ARMC2: variants seen among roughly 807,000 people sequenced by gnomAD.
ARMC2 encodes the protein armadillo repeat containing 2, also known as armadillo repeat-containing protein 2.
A neutral mutation model predicts 90.3 loss-of-function variants in ARMC2; 67 were observed. That is an observed-to-expected ratio of 0.74 (90% CI 0.61 to 0.91). The LOEUF (loss-of-function observed/expected upper bound fraction) is 0.91. Ranked by LOEUF, ARMC2 falls within the 40% of genes least tolerant of loss-of-function variation. The pLI is 0.00. For synonymous variants in ARMC2, 393 were observed against 393.0 expected, an observed-to-expected ratio of 1.00 and a Z score of 0.00; for missense variants, 920 against 1,030.9, an observed-to-expected ratio of 0.89 and a Z score of 1.47.
chr6:108,905,891 T>C (rs1401998892), intron 8 of ARMC2, among the ~76,000 whole-genome samples: 4 of 152,200 alleles, frequency 2.6e-5, no homozygotes, highest in Non-Finnish European at 5.9e-5. Flanking sequence ...TTCAAATCCA[T>C]CAAGGCCAAC....
the ARMC2 span, among the ~76,000 whole-genome samples, chr6:108,989,485 A>C: frequency 2.1e-5 from 3 of 145,774 alleles, no homozygotes; most frequent in East Asian, 3.9e-4. Flanking sequence ...CTGTATATAT[A>C]TCTCTAGATC....
chr6:108,988,677 AATC>A, the ARMC2 span: 5 of 1,606,070 alleles, frequency 3.1e-6, no homozygotes, highest in South Asian at 1.1e-5. Context: ...CCATAGTCAT[AATC>A]ATCATATCTG....
In ARMC2 at chr6:108,877,265, G is replaced by A. The variant is rs748716680; in HGVS notation, c.671+915G>A. Among the ~76,000 whole-genome samples, 6 of 152,140 alleles carry A rather than the reference G, an allele frequency of 3.9e-5. 1 individual carries two copies. Among genetic ancestry groups the A allele is most frequent in the Non-Finnish European group, 7.3e-5 (5 of 68,028 alleles). ...ATTTCTTACACTCACGTTAGATTTCGGGTCTGACTTTGGCTTGGACACATG... is the reference window on the plus strand; with the variant it reads ...ATTTCTTACACTCACGTTAGATTTCAGGTCTGACTTTGGCTTGGACACATG... On this transcript the variant is annotated intron_variant, in intron 5 of 17. Coordinates refer to ENST00000392644, the MANE Select transcript of ARMC2 (RefSeq NM_032131.6).
chr6:108,951,737 A>G (rs1439419149), intron 12 of ARMC2, among the ~76,000 whole-genome samples: 1 of 152,240 alleles, frequency 6.6e-6, no homozygotes, highest in African/African-American at 2.4e-5. Context: ...GCACCTGGAC[A>G]TGCGCTCCTC....
chr6:108,997,346 A>G, the ARMC2 span, among the ~76,000 whole-genome samples: 2 of 152,306 alleles, frequency 1.3e-5, no homozygotes, highest in Admixed American at 1.3e-4. Flanking sequence ...TAGCAACTGA[A>G]TACTCTCTTG....
chr6:108,891,033 AG>A (rs1770973525), intron 5 of ARMC2, among the ~76,000 whole-genome samples: 4 of 151,190 alleles, frequency 2.6e-5, no homozygotes, highest in African/African-American at 4.9e-5. Flanking sequence ...GTGTTTGCTG[AG>A]AATGATGGTT....
At chr6:108,928,640 T>C (rs1775290694) in intron 11 of ARMC2, among the ~76,000 whole-genome samples, 1 of 152,204 alleles carries the variant, frequency 6.6e-6, no homozygotes, top group South Asian at 2.1e-4. Flanking sequence ...GACTTTGTAA[T>C]AGAAGGTTAT....
chr6:108,971,476 A>T (rs1778760691), intron 17 of ARMC2, among the ~76,000 whole-genome samples: 1 of 152,206 alleles, frequency 6.6e-6, no homozygotes, highest in African/African-American at 2.4e-5. Flanking sequence ...ACAAACTGGG[A>T]TTCCAGACTC....
chr6:108,889,021 C>T lies in ARMC2; in HGVS notation c.672-5446C>T, dbSNP rs927727138. Among the ~76,000 whole-genome samples, 68 of 152,314 alleles carry T rather than the reference C, an allele frequency of 4.5e-4. No individual in the cohort carries two copies. In the Middle Eastern group the frequency reaches 0.01, roughly 23 times the overall value. Reference sequence around the variant, plus strand: ...ACCCATGGAAACCTTCTATGACTGTCTTACTTGCCCTGGGCACTTATCCCC... The same window carrying T: ...ACCCATGGAAACCTTCTATGACTGTTTTACTTGCCCTGGGCACTTATCCCC... On this transcript the variant is annotated intron_variant, in intron 5 of 17. Coordinates refer to ENST00000392644, the MANE Select transcript of ARMC2 (RefSeq NM_032131.6).
At chr6:108,990,594 A>G in the ARMC2 span, 1 of 1,546,636 alleles carries the variant, frequency 6.5e-7, no homozygotes, top group Non-Finnish European at 8.9e-7. Flanking sequence ...GCACTTGAAT[A>G]ATTTGGCCCA....
Position 108,910,940 on chromosome 6 carries a change from T to C in ARMC2, c.1065T>C (p.Leu355=). Residue 355 remains leucine (L), a synonymous_variant, in exon 9 of 18, where the codon CTT becomes CTC. Transcript: ENST00000392644. ...AGAATCTTCTTAATGTCTGCAAACT[T>C]ATATTTAAAATTAGCAGGAATGAGA... is the stretch of plus-strand genomic sequence containing the variant. ...SRKNLLNVCK[L]IFKISRNEKN... The C allele has an allele frequency of 2.5e-6, 4 of 1,583,234 alleles. No individual in the cohort carries two copies. The highest frequency in any genetic ancestry group is 3.4e-6 in the Non-Finnish European group (4 of 1,163,974).
the ARMC2 span, chr6:109,009,656 C>T: frequency 0.16 from 106,878 of 686,538 alleles, 9,318 homozygotes; most frequent in African/African-American, 0.31. Context: ...GGCTCGCGTC[C>T]CCGCAAAGCA....
chr6:108,967,785 G>A (rs1223602533), intron 17 of ARMC2, among the ~76,000 whole-genome samples: 2 of 152,146 alleles, frequency 1.3e-5, no homozygotes, highest in Non-Finnish European at 2.9e-5. Flanking sequence ...CCGTGGATGC[G>A]AAGGGCTGAC....
intron 10 of ARMC2, among the ~76,000 whole-genome samples, chr6:108,917,155 G>A (rs1774048976): frequency 6.6e-6 from 1 of 152,120 alleles, no homozygotes; most frequent in East Asian, 1.9e-4. Context: ...TTAGAGAAAT[G>A]TATTATTTGC....
chr6:108,970,734 G>A (rs559977360), intron 17 of ARMC2, among the ~76,000 whole-genome samples: 3 of 151,744 alleles, frequency 2.0e-5, no homozygotes, highest in Non-Finnish European at 2.9e-5. Flanking sequence ...CTGACCTCAG[G>A]TGATCCACCT....
At chr6:109,051,607 TTTTC>T in the ARMC2 span, among the ~76,000 whole-genome samples, 1 of 152,192 alleles carries the variant, frequency 6.6e-6, no homozygotes, top group Non-Finnish European at 1.5e-5. Context: ...TGGTCACTGG[TTTTC>T]TTTTTTTCTG....
intron 4 of ARMC2, among the ~76,000 whole-genome samples, chr6:108,873,019 G>A (rs968941285): frequency 1.3e-5 from 2 of 152,094 alleles, no homozygotes; most frequent in African/African-American, 4.8e-5. Context: ...TGTCTTTTGG[G>A]AACACAATTT....
At chr6:108,939,058 A>G (rs1036375631) in intron 12 of ARMC2, among the ~76,000 whole-genome samples, 5 of 152,042 alleles carry the variant, frequency 3.3e-5, no homozygotes, top group African/African-American at 7.2e-5. Flanking sequence ...GGCTCAAGCA[A>G]TCCTACCACT....
At chr6:109,018,590 T>C in the ARMC2 span, among the ~76,000 whole-genome samples, 1 of 152,238 alleles carries the variant, frequency 6.6e-6, no homozygotes, top group Non-Finnish European at 1.5e-5. Flanking sequence ...GCACATCCCA[T>C]CATGATTCCT....
Sources: gnomAD v4.1 joint callset for allele counts (sites outside exome capture counted in the v4.1 genomes callset) on GRCh38, gnomAD v4.1.1 for gene constraint, MANE v1.5 for transcripts, NCBI Gene and HGNC (gene_info 2026-07-23, HGNC 2026-07-21) for gene names.